HHIPL1: variants seen among roughly 807,000 people sequenced by gnomAD.
HHIPL1 encodes HHIP-like protein 1.
Under a neutral mutation model 61.8 loss-of-function variants are expected in HHIPL1, and 43 were observed. The ratio of observed to expected loss-of-function variants is 0.70; its 90% CI spans 0.55 to 0.90. HHIPL1 has a LOEUF of 0.90. HHIPL1 is among the 40% of genes least tolerant of loss of function. The pLI, the probability that HHIPL1 is intolerant of heterozygous loss-of-function variation, is 0.00. For synonymous variants in HHIPL1, 482 were observed against 515.8 expected (o/e 0.93, Z 0.89); for missense variants, 1,056 against 1,157.7 (o/e 0.91, Z 1.28).
At chr14:99,670,274 G>A (rs1438445168) in intron 7 of HHIPL1, among the ~76,000 whole-genome samples, 1 of 152,110 alleles carries the variant, frequency 6.6e-6, no homozygotes, top group African/African-American at 2.4e-5. Context: ...ACCATGCCTG[G>A]CTAATTTTTG....
rs139250271 is a variant in HHIPL1 at position 99,652,232 on chromosome 14, G to A, written c.264G>A (p.Ser88=). The change falls in exon 2 of 9, where the codon TCG becomes TCA. Residue 88 remains serine (S), a synonymous_variant. Coordinates refer to ENST00000330710, the MANE Select transcript of HHIPL1 (RefSeq NM_001127258.3). Reference sequence around the variant, plus strand: ...CATTACTGTCTCTGCAGGAATGCTCGCCGTATGCAGCCCACCTCTATGACG... The same window carrying A: ...CATTACTGTCTCTGCAGGAATGCTCACCGTATGCAGCCCACCTCTATGACG... ...YARDLLCQEC[S]PYAAHLYDAE... The A allele has an allele frequency of 4.0e-5, 64 of 1,597,958 alleles. No individual in the cohort carries two copies. The African/African-American group carries it at 4.4e-4, about 11-fold the overall frequency.
rs571105899 is a variant in HHIPL1 at position 99,668,120 on chromosome 14, G to A, written c.1649-102G>A. 217 of 759,340 alleles carry A rather than the reference G, an allele frequency of 2.9e-4. No homozygotes were observed. The Admixed American group carries it at 3.7e-3, about 13-fold the overall frequency. The allele number at this position is 759,340 out of a possible 1,614,324, so 47.0% of individuals were successfully genotyped here. The stretch of plus-strand genomic sequence containing the variant: ...CCTCACGTGATGGCTAGCTGGGGTT[G>A]GGGTCTATTTCCAAGCCTGCAGGGA... On this transcript the variant is annotated intron_variant, in intron 6 of 8. Coordinates refer to ENST00000330710, the MANE Select transcript of HHIPL1 (RefSeq NM_001127258.3). This position sits in a 1 kb window ranked among gnomAD's most constrained non-coding sequence, Gnocchi z 4.7.
At chr14:99,649,825 A>G (rs1373571695) in intron 1 of HHIPL1, among the ~76,000 whole-genome samples, 1 of 152,178 alleles carries the variant, frequency 6.6e-6, no homozygotes, top group Non-Finnish European at 1.5e-5. Context: ...TAAAATAGTG[A>G]CAATGACCCT....
At chr14:99,614,822 T>G in the HHIPL1 span, among the ~76,000 whole-genome samples, 1 of 152,166 alleles carries the variant, frequency 6.6e-6, no homozygotes, top group African/African-American at 2.4e-5. Flanking sequence ...AGCGTTCACT[T>G]AATGCCCTGA....
chr14:99,650,321 C>G (rs2055905905), intron 1 of HHIPL1, among the ~76,000 whole-genome samples: 1 of 152,190 alleles, frequency 6.6e-6, no homozygotes, highest in African/African-American at 2.4e-5. Context: ...CAGTACCTCC[C>G]CACTGCAGAA....
chr14:99,646,249 C>A (rs111435298), intron 1 of HHIPL1, among the ~76,000 whole-genome samples: 1,663 of 152,322 alleles, frequency 0.011, 35 homozygotes, highest in African/African-American at 0.038. Flanking sequence ...TGGCTGAATG[C>A]AGAAATGGAG....
At chr14:99,637,197 A>AAAGG in the HHIPL1 span, among the ~76,000 whole-genome samples, 2 of 77,768 alleles carry the variant, frequency 2.6e-5, no homozygotes, top group African/African-American at 4.5e-5. Flanking sequence ...TGGAAGAAAG[A>AAAGG]AAGGAAGAAA....
At chr14:99,613,186 G>A in the HHIPL1 span, among the ~76,000 whole-genome samples, 1 of 152,124 alleles carries the variant, frequency 6.6e-6, no homozygotes, top group South Asian at 2.1e-4. Flanking sequence ...GCTGGCCAGA[G>A]AGAAGTGGTG....
chr14:99,667,159 A>G (rs923472349), intron 6 of HHIPL1, among the ~76,000 whole-genome samples: 7 of 152,122 alleles, frequency 4.6e-5, no homozygotes, highest in African/African-American at 1.4e-4. Flanking sequence ...GCATGGCTGA[A>G]CCCTCAGGAT....
intron 7 of HHIPL1, among the ~76,000 whole-genome samples, chr14:99,671,375 GA>G (rs1263150446): frequency 1.3e-5 from 2 of 152,288 alleles, no homozygotes; most frequent in African/African-American, 4.8e-5. Flanking sequence ...GTCAGAGCAA[GA>G]AAAAAACCTC....
In HHIPL1 at chr14:99,652,772, C is replaced by G. The variant is rs750930220; in HGVS notation, c.804C>G (p.Val268=). The change falls in exon 2 of 9, where the codon GTC becomes GTG. Residue 268 remains valine, a synonymous_variant. Transcript: ENST00000330710. ...TCCAGCACAACCGCAGGCTCTACGT[C>G]TACTACTCAGTGGGTATCCGCAGCA... ...PSFQHNRRLY[V]YYSVGIRSSE... The G allele has an allele frequency of 1.2e-5, 20 of 1,613,944 alleles. No homozygotes were observed. Among genetic ancestry groups the G allele is most frequent in the Non-Finnish European group, 3.4e-6 (4 of 1,180,044 alleles).
At chr14:99,653,505 T>C (rs1442188938) in intron 2 of HHIPL1, among the ~76,000 whole-genome samples, 1 of 152,138 alleles carries the variant, frequency 6.6e-6, no homozygotes, top group Non-Finnish European at 1.5e-5. Flanking sequence ...GCTAATTTTT[T>C]GTATTTCAGT....
Position 99,670,188 on chromosome 14 carries a change from T to C in HHIPL1, c.1730+1885T>C, listed in dbSNP as rs542956186. 6.6e-5 allele frequency among the ~76,000 whole-genome samples: 10 copies of C among 152,166 alleles called. No individual in the cohort carries two copies. The East Asian group carries it at 1.7e-3, about 26-fold the overall frequency. On this transcript the variant is annotated intron_variant, in intron 7 of 8. Transcript: ENST00000330710. Reference sequence around the variant, plus strand: ...GCGCAGTAGCATGATCTCAACTCATTGCAACCTCTGCCTCCCGGGTTCAAG... The same window carrying C: ...GCGCAGTAGCATGATCTCAACTCATCGCAACCTCTGCCTCCCGGGTTCAAG...
At chr14:99,635,050 C>T in the HHIPL1 span, among the ~76,000 whole-genome samples, 2 of 151,668 alleles carry the variant, frequency 1.3e-5, no homozygotes, top group African/African-American at 2.4e-5. Flanking sequence ...TCCCCATTGG[C>T]GGTCTTCAGT....
At chr14:99,630,001 C>A in the HHIPL1 span, among the ~76,000 whole-genome samples, 5 of 152,294 alleles carry the variant, frequency 3.3e-5, no homozygotes, top group African/African-American at 1.2e-4. Flanking sequence ...GGTGCTCATC[C>A]CTTAAGTGGC....
the HHIPL1 span, among the ~76,000 whole-genome samples, chr14:99,631,922 C>A: frequency 6.6e-5 from 10 of 152,206 alleles, no homozygotes; most frequent in Non-Finnish European, 1.2e-4. Context: ...CCCAGACATC[C>A]TGGGATGAGG....
chr14:99,675,027 G>A lies in HHIPL1; in HGVS notation c.1814-64G>A, dbSNP rs920875583. On this transcript the variant is annotated intron_variant, in intron 8 of 8. Coordinates refer to ENST00000330710, the MANE Select transcript of HHIPL1 (RefSeq NM_001127258.3). The surrounding 1 kb of genome is among the most constrained non-coding windows in gnomAD (Gnocchi z 5.4). The stretch of plus-strand genomic sequence containing the variant: ...CGCACAGGTTGCAGGGCAGCACAGG[G>A]TGGGCAGCAGGGCTGGACAGGGGCG... The A allele has an allele frequency of 1.1e-6, 1 of 909,368 alleles. No homozygotes were observed. Among genetic ancestry groups the A allele is most frequent in the Non-Finnish European group, 1.4e-6 (1 of 730,296 alleles). The allele number at this position is 909,368 out of a possible 1,614,324, so 56.3% of individuals were successfully genotyped here. A position where few individuals can be genotyped will look rare whatever the true frequency, so the allele number is the denominator to read the frequency against.
intron 6 of HHIPL1, among the ~76,000 whole-genome samples, chr14:99,664,296 A>G (rs1262571455): frequency 6.6e-6 from 1 of 152,170 alleles, no homozygotes; most frequent in Non-Finnish European, 1.5e-5. Context: ...GAACCGTCAG[A>G]ATCTGAATTT....
In HHIPL1 at chr14:99,677,534, A is replaced by C. The variant is rs1054839038; in HGVS notation, c.*1908A>C. On this transcript the variant is annotated 3_prime_UTR_variant, in exon 9 of 9. Coordinates refer to ENST00000330710, the MANE Select transcript of HHIPL1 (RefSeq NM_001127258.3). The surrounding 1 kb of genome is among the most constrained non-coding windows in gnomAD (Gnocchi z 4.3). ...TCTGACGCCGGGCGTGTTAGGAGAT[A>C]GCAGGCCGTTAATGACCATCCCAGC... The C allele has an allele frequency of 1.3e-5, 2 of 152,278 alleles. No individual in the cohort carries two copies. Among genetic ancestry groups the C allele is most frequent in the African/African-American group, 4.8e-5 (2 of 41,426 alleles). The allele number at this position is 152,278 out of a possible 1,614,324, so 9.4% of individuals were successfully genotyped here. A position where few individuals can be genotyped will look rare whatever the true frequency, so the allele number is the denominator to read the frequency against.
Sources: allele counts gnomAD v4.1 joint callset (sites outside exome capture counted in the v4.1 genomes callset), GRCh38; gene constraint gnomAD v4.1.1; non-coding constraint Gnocchi (gnomAD v3.1); transcripts MANE v1.5; gene names NCBI Gene and HGNC (gene_info 2026-07-23, HGNC 2026-07-21).